The following PADI3 variants were observed in gnomAD, a reference collection of about 807,000 sequenced individuals.
The protein encoded by PADI3 is protein-arginine deiminase type-3.
In PADI3, 53 loss-of-function variants were observed where a neutral mutation model predicts 71.5. The observed-to-expected ratio is 0.74, with a 90% CI of 0.59 to 0.93. PADI3 has a LOEUF of 0.93. PADI3 is among the 40% of genes least tolerant of loss of function. The pLI, the probability that PADI3 is intolerant of heterozygous loss-of-function variation, is 0.00. For synonymous variants in PADI3, 361 were observed against 347.5 expected (o/e 1.04, Z -0.43); for missense variants, 821 against 868.0 (o/e 0.95, Z 0.68).
intron 14 of PADI3, 24 bp from the exon 15 acceptor site, chr1:17,280,647 A>G (rs201975811): frequency 2.5e-6 from 4 of 1,613,748 alleles, no homozygotes; most frequent in African/African-American, 2.7e-5. Context: ...GGTGTCCCCA[A>G]CTCTGGCCCT....
intron 1 of PADI3, among the ~76,000 whole-genome samples, chr1:17,259,233 C>A (rs918898923): frequency 6.6e-6 from 1 of 152,334 alleles, no homozygotes; most frequent in South Asian, 2.1e-4. Flanking sequence ...CCACGCCTGG[C>A]TATTTTCTTG....
chr1:17,258,989 C>T (rs970255268), intron 1 of PADI3, among the ~76,000 whole-genome samples: 8 of 152,176 alleles, frequency 5.3e-5, no homozygotes, highest in African/African-American at 1.2e-4. Flanking sequence ...CCGAAGAGCT[C>T]GCCATTCTGG....
At chr1:17,279,139 G>A (rs2100603025) in intron 13 of PADI3, among the ~76,000 whole-genome samples, 1 of 152,258 alleles carries the variant, frequency 6.6e-6, no homozygotes, top group Admixed American at 6.5e-5. Flanking sequence ...GCCCAGCTGG[G>A]AGGGAGCGTG....
Position 17,270,408 on chromosome 1 carries a change from C to T in PADI3, c.828C>T (p.Asn276=), listed in dbSNP as rs756374769. The change falls in exon 7 of 16, where the codon AAC becomes AAT. Residue 276 remains asparagine, a synonymous_variant. Coordinates refer to ENST00000375460, the MANE Select transcript of PADI3 (RefSeq NM_016233.2). ...ATGTCACTCTGCTGGACGACTCCAACGAGGTAGGGACAGAGGGGGTTCAAG... is the reference window on the plus strand; with the variant it reads ...ATGTCACTCTGCTGGACGACTCCAATGAGGTAGGGACAGAGGGGGTTCAAG... ...SFHVTLLDDS[N]EDFSASPIFT... is the part of the protein sequence containing the mutation. The T allele has an allele frequency of 4.4e-5, 71 of 1,611,440 alleles. No individual in the cohort carries two copies. Among genetic ancestry groups the T allele is most frequent in the Middle Eastern group, 1.7e-4 (1 of 6,056 alleles).
chr1:17,280,240 C>T (rs902352070), intron 13 of PADI3, 110 bp from the exon 14 acceptor site: 17 of 832,828 alleles, frequency 2.0e-5, no homozygotes, highest in Admixed American at 1.2e-4. Flanking sequence ...GCTGCTGACT[C>T]GGCAAGACCA....
At chr1:17,268,886 C>A (rs2073207822) in intron 6 of PADI3, among the ~76,000 whole-genome samples, 1 of 132,600 alleles carries the variant, frequency 7.5e-6, no homozygotes, top group Non-Finnish European at 1.6e-5. Context: ...CTAAATCTGA[C>A]TTTTTTTTTT....
chr1:17,280,820 T>G (rs371567173), intron 15 of PADI3, 24 bp downstream of exon 15: 27 of 1,611,290 alleles, frequency 1.7e-5, no homozygotes, highest in Non-Finnish European at 2.1e-5. Context: ...CCATGACTCC[T>G]TTGCCAAATC....
chr1:17,265,513 C>T lies in PADI3; in HGVS notation c.347-146C>T, dbSNP rs559642491. ...TTGCCTCAGGCCTCTTTCCCCAGCC[C>T]AGAGGGTGCAGATGCCCTCACCTCT... On this transcript the variant is annotated intron_variant, in intron 3 of 15. Coordinates refer to ENST00000375460, the MANE Select transcript of PADI3 (RefSeq NM_016233.2). The T allele has an allele frequency of 9.7e-6, 7 of 719,264 alleles. No homozygotes were observed. The South Asian group carries it at 1.2e-4, about 12-fold the overall frequency. 44.6% of individuals were successfully genotyped at this position (719,264 alleles called of 1,614,324 possible).
At chr1:17,260,964 C>G (rs1419058952) in intron 2 of PADI3, among the ~76,000 whole-genome samples, 1 of 152,174 alleles carries the variant, frequency 6.6e-6, no homozygotes, top group Non-Finnish European at 1.5e-5. Flanking sequence ...TTTCCCTCAC[C>G]CGCCATATAC....
intron 1 of PADI3, among the ~76,000 whole-genome samples, chr1:17,250,615 C>A (rs989747544): frequency 1.3e-5 from 2 of 151,962 alleles, no homozygotes; most frequent in African/African-American, 2.4e-5. Flanking sequence ...GGTGGGTGGG[C>A]AGTAGGAGGA....
At chr1:17,261,324 C>A (rs762317879) in intron 2 of PADI3, among the ~76,000 whole-genome samples, 3 of 152,234 alleles carry the variant, frequency 2.0e-5, no homozygotes, top group Non-Finnish European at 4.4e-5. Flanking sequence ...GGGCACCGAG[C>A]TGCATGTGCC....
At position 17,262,175 on chromosome 1, in the gene PADI3, G is replaced by A. The variant is rs779311491; in HGVS notation, c.316G>A (p.Ala106Thr). The change falls in exon 3 of 16, where the codon GCC becomes ACC. Residue 106 changes from alanine to threonine, a missense_variant. Transcript: ENST00000375460. Reference sequence around the variant, plus strand: ...CTCCAGCCATGAGCCTCTGCCCCTGGCCTATGCGGTGCTCTACCTCACCTG... The same window carrying A: ...CTCCAGCCATGAGCCTCTGCCCCTGACCTATGCGGTGCTCTACCTCACCTG... ...YHSSHEPLPL[A>T]YAVLYLTCVD... 13 of 1,613,002 alleles carry A rather than the reference G, an allele frequency of 8.1e-6. No individual in the cohort carries two copies. Among genetic ancestry groups the A allele is most frequent in the Admixed American group, 1.7e-5 (1 of 59,702 alleles).
chr1:17,272,787 C>G (rs137969234), intron 9 of PADI3, among the ~76,000 whole-genome samples: 1 of 152,142 alleles, frequency 6.6e-6, no homozygotes, highest in African/African-American at 2.4e-5. Context: ...TGTGAGCCAC[C>G]GTGCCCGGAC....
Position 17,259,748 on chromosome 1 carries a change from A to G in PADI3, c.263A>G (p.Asn88Ser), listed in dbSNP as rs2073080098. 1.2e-6 allele frequency: 2 copies of G among 1,604,484 alleles called. No homozygotes were observed. The highest frequency in any genetic ancestry group is 8.5e-7 in the Non-Finnish European group (1 of 1,173,230). ...ATGAACTCCCCCAGCAATGACCTCA[A>G]CGACAGCCATGTGAGCTGGTCCCTG... is the stretch of plus-strand genomic sequence containing the variant. ...VVMNSPSNDL[N>S]DSHVQISYHS... The change falls in exon 2 of 16, where the codon AAC (asparagine) becomes AGC (serine). Residue 88 changes from asparagine (N) to serine (S), a missense_variant. Physicochemically the swap from Asn to Ser is conservative, Grantham distance 46 (BLOSUM62 1). Transcript: ENST00000375460.
chr1:17,273,030 T>G (rs3003433), intron 9 of PADI3, among the ~76,000 whole-genome samples: 147,643 of 152,238 alleles, frequency 0.97, 71,751 homozygotes, highest in East Asian at 1. Context: ...CCACTGTGAG[T>G]GCTTCTCTGT....
intron 5 of PADI3, 51 bp downstream of exon 5, chr1:17,266,887 T>G: frequency 1.4e-6 from 2 of 1,383,836 alleles, no homozygotes; most frequent in Non-Finnish European, 2.1e-6. Context: ...ACTGCTCAGT[T>G]ACCCCATGGG....
At chr1:17,269,429 T>G (rs940344160) in intron 6 of PADI3, among the ~76,000 whole-genome samples, 1 of 152,182 alleles carries the variant, frequency 6.6e-6, no homozygotes, top group Non-Finnish European at 1.5e-5. Context: ...TTGCAGTGTT[T>G]TGATTTTATA....
intron 3 of PADI3, among the ~76,000 whole-genome samples, chr1:17,263,650 G>C (rs1293940154): frequency 6.6e-6 from 1 of 152,160 alleles, no homozygotes; most frequent in Non-Finnish European, 1.5e-5. Context: ...AAATTAGACT[G>C]TATTAAAATT....
chr1:17,280,568 C>A, intron 14 of PADI3, 103 bp from the exon 15 acceptor site: 2 of 1,559,590 alleles, frequency 1.3e-6, no homozygotes, highest in Non-Finnish European at 1.8e-6. Context: ...GGTCCCAACA[C>A]CCTCTTTTGA....
Sources: allele counts gnomAD v4.1 joint callset (sites outside exome capture counted in the v4.1 genomes callset), GRCh38; gene constraint gnomAD v4.1.1; transcripts MANE v1.5; gene names NCBI Gene and HGNC (gene_info 2026-07-23, HGNC 2026-07-21).